The following CLDN14 variants were observed in gnomAD, a reference collection of about 807,000 sequenced individuals.
CLDN14 encodes claudin-14.
Under a neutral mutation model 2.1 loss-of-function variants are expected in CLDN14, and 2 were observed. The ratio of observed to expected loss-of-function variants is 0.96; its 90% CI spans 0.39 to 3.01. The LOEUF (loss-of-function observed/expected upper bound fraction) is 3.01. Among genes scored for constraint, CLDN14 ranks in the 30% most tolerant of loss-of-function variants. The pLI is 0.09. For synonymous variants in CLDN14, 136 were observed against 154.4 expected (o/e 0.88, Z 0.88); for missense variants, 298 against 328.0 (o/e 0.91, Z 0.71).
chr21:36,529,435 C>A (rs1478288329), intron 1 of CLDN14, among the ~76,000 whole-genome samples: 1 of 152,046 alleles, frequency 6.6e-6, no homozygotes, highest in Non-Finnish European at 1.5e-5. Context: ...ATTACAGGCA[C>A]CCACCACTAC....
At chr21:36,481,720 C>T (rs890716245), upstream of CLDN14, among the ~76,000 whole-genome samples, 2 of 152,192 alleles carry the variant, frequency 1.3e-5, no homozygotes, top group Admixed American at 1.3e-4. Flanking sequence ...CCTGAAAATT[C>T]CCTGACCTGT....
intron 1 of CLDN14, among the ~76,000 whole-genome samples, chr21:36,522,211 G>A (rs1400825926): frequency 6.6e-6 from 1 of 152,050 alleles, no homozygotes; most frequent in Non-Finnish European, 1.5e-5. Flanking sequence ...CCCACACGCA[G>A]CACTCCAGCC....
Position 36,510,334 on chromosome 21 carries a change from C to G in CLDN14, c.-82+29G>C, listed in dbSNP as rs374382724. On this transcript the variant is annotated intron_variant, in intron 2 of 2. Transcript: ENST00000342108. ...TTTAAGTAATTGATCCCTTGGAGTC[C>G]TCTTTTGGGGGAAAAGCATTCTACC... is the stretch of plus-strand genomic sequence containing the variant. 4 of 152,356 alleles carry G rather than the reference C, an allele frequency of 2.6e-5. No individual in the cohort carries two copies. In the East Asian group the frequency reaches 5.8e-4, roughly 22 times the overall value. 9.4% of individuals were successfully genotyped at this position (152,356 alleles called of 1,614,324 possible).
intron 1 of CLDN14, among the ~76,000 whole-genome samples, chr21:36,568,383 C>T (rs909212893): frequency 2.6e-5 from 4 of 152,170 alleles, no homozygotes; most frequent in Admixed American, 1.3e-4. Flanking sequence ...AACCCCTGAG[C>T]AATAAGGAGG....
chr21:36,471,450 G>T (rs1166965500), intron 1 of CLDN14, among the ~76,000 whole-genome samples: 1 of 152,162 alleles, frequency 6.6e-6, no homozygotes, highest in South Asian at 2.1e-4. Flanking sequence ...AGAGAGTTTG[G>T]GGGGGCTCAT....
rs187828030 is a variant in CLDN14, at chr21:36,573,039, C to T, written c.-220+3372G>A. On this transcript the variant is annotated intron_variant, in intron 1 of 2. Coordinates refer to the CLDN14 transcript ENST00000342108. ...AGGGGAGGCCGGGCGTGGTGGCTCACGCCTGTAATCCCAGCACTTTGGAAG... is the reference window on the plus strand; with the variant it reads ...AGGGGAGGCCGGGCGTGGTGGCTCATGCCTGTAATCCCAGCACTTTGGAAG... Among the ~76,000 whole-genome samples, 188 of 152,284 alleles carry T rather than the reference C, an allele frequency of 1.2e-3. 1 individual carries two copies. The highest frequency in any genetic ancestry group is 4.4e-3 in the African/African-American group (182 of 41,574).
intron 1 of CLDN14, among the ~76,000 whole-genome samples, chr21:36,472,061 G>A (rs2086717055): frequency 6.6e-6 from 1 of 152,200 alleles, no homozygotes; most frequent in African/African-American, 2.4e-5. Flanking sequence ...GGCATGCAAT[G>A]AACTCTTAAA....
At chr21:36,503,491 A>G (rs2087106289) in intron 2 of CLDN14, among the ~76,000 whole-genome samples, 1 of 152,186 alleles carries the variant, frequency 6.6e-6, no homozygotes, top group Non-Finnish European at 1.5e-5. Context: ...TGATGGTTTT[A>G]AAAATGGGAG....
rs761269316 is a variant in CLDN14 at position 36,460,982 on chromosome 21, G to T, written c.714C>A (p.Tyr238Ter). ...AGAAGCAGGCTGTGGGGACTCACAC[G>T]TAGTCGTTCAGCCTGTACCCGCTGT... ...ATHSGYRLND[Y>*]V is the part of the protein sequence containing the mutation. The change falls in exon 2 of 2, where the codon TAC (tyrosine) becomes TAA (stop). Residue 238 changes from tyrosine to a stop codon, truncating the protein, a stop_gained. Transcript: ENST00000399135. LOFTEE classifies it high-confidence loss of function. The surrounding 1 kb of genome is among the most constrained non-coding windows in gnomAD (Gnocchi z 4.0). 1 of 1,612,362 alleles carries T rather than the reference G, an allele frequency of 6.2e-7. No homozygotes were observed. The highest frequency in any genetic ancestry group is 1.3e-5 in the African/African-American group (1 of 74,906).
Position 36,461,517 on chromosome 21 carries a change from C to T in CLDN14, c.179G>A (p.Gly60Asp), listed in dbSNP as rs1273080082. 1 of 1,613,270 alleles carries T rather than the reference C, an allele frequency of 6.2e-7. No individual in the cohort carries two copies. The highest frequency in any genetic ancestry group is 8.5e-7 in the Non-Finnish European group (1 of 1,179,980). ...TCGGTAGATCTGGCACTGGTAGATGCCTGTGCTGTGCCACACACACTCCAT... is the reference window on the plus strand; with the variant it reads ...TCGGTAGATCTGGCACTGGTAGATGTCTGTGCTGTGCCACACACACTCCAT... The part of the protein sequence containing the change: ...LWMECVWHST[G>D]IYQCQIYRSL... The change falls in exon 2 of 2, where the codon GGC (glycine) becomes GAC (aspartate). Residue 60 changes from glycine (G) to aspartate (D), a missense_variant. Transcript: ENST00000399135.
upstream of CLDN14, among the ~76,000 whole-genome samples, chr21:36,482,140 A>G (rs935902660): frequency 3.3e-5 from 5 of 152,324 alleles, no homozygotes; most frequent in South Asian, 6.2e-4. Flanking sequence ...GTCCCTCCCA[A>G]GAGGTATTTT....
intron 1 of CLDN14, among the ~76,000 whole-genome samples, chr21:36,531,702 T>C (rs931396665): frequency 1.3e-5 from 2 of 151,796 alleles, no homozygotes; most frequent in Non-Finnish European, 2.9e-5. Flanking sequence ...GTTTTTTTTT[T>C]TTTTTTAACT....
chr21:36,483,414 C>T (rs865948686), upstream of CLDN14, among the ~76,000 whole-genome samples: 43 of 152,236 alleles, frequency 2.8e-4, no homozygotes, highest in African/African-American at 9.2e-4. Flanking sequence ...TCTCTCTGAG[C>T]AGGAATTGCT....
intron 1 of CLDN14, among the ~76,000 whole-genome samples, chr21:36,523,823 G>C (rs2087298378): frequency 7.0e-6 from 1 of 142,850 alleles, no homozygotes; most frequent in African/African-American, 2.8e-5. Context: ...AAGAAAGAAA[G>C]AAAGAAAGAA....
intron 1 of CLDN14, among the ~76,000 whole-genome samples, chr21:36,550,352 TC>T (rs2087554650): frequency 6.6e-6 from 1 of 152,130 alleles, no homozygotes; most frequent in African/African-American, 2.4e-5. Flanking sequence ...CCAACTTGGC[TC>T]CTCTCCCCCT....
Position 36,494,806 on chromosome 21 carries a change from A to G in CLDN14, c.-82+15557T>C, listed in dbSNP as rs552588683. 4.6e-5 allele frequency among the ~76,000 whole-genome samples: 7 copies of G among 152,334 alleles called. No homozygotes were observed. The East Asian group carries it at 1.3e-3, about 29-fold the overall frequency. ...TTCCAGCCTCCAGAACTGTGAGACAATAAATGCCTGTTGTTTAAGCCGCCC... is the reference window on the plus strand; with the variant it reads ...TTCCAGCCTCCAGAACTGTGAGACAGTAAATGCCTGTTGTTTAAGCCGCCC... On this transcript the variant is annotated intron_variant, in intron 2 of 2. Coordinates refer to the CLDN14 transcript ENST00000342108.
At chr21:36,556,316 A>G (rs2087598883) in intron 1 of CLDN14, among the ~76,000 whole-genome samples, 1 of 152,174 alleles carries the variant, frequency 6.6e-6, no homozygotes, top group African/African-American at 2.4e-5. Context: ...AGGTGACCTA[A>G]GTCAGAAGCC....
At chr21:36,519,445 C>T (rs1448025657) in intron 1 of CLDN14, among the ~76,000 whole-genome samples, 2 of 152,324 alleles carry the variant, frequency 1.3e-5, no homozygotes, top group Admixed American at 6.5e-5. Flanking sequence ...GACGTGGTGG[C>T]TCTTGCCTGT....
intron 1 of CLDN14, among the ~76,000 whole-genome samples, chr21:36,519,112 G>T (rs2087249812): frequency 6.6e-6 from 1 of 152,096 alleles, no homozygotes; most frequent in Non-Finnish European, 1.5e-5. Flanking sequence ...AACAGGAAGG[G>T]GTCATCTACA....
Sources: gnomAD v4.1 joint callset for allele counts (sites outside exome capture counted in the v4.1 genomes callset) on GRCh38, gnomAD v4.1.1 for gene constraint, Gnocchi (gnomAD v3.1) non-coding constraint, MANE v1.5 for transcripts, NCBI Gene and HGNC (gene_info 2026-07-23, HGNC 2026-07-21) for gene names.